The following PALLD variants were observed in gnomAD, a reference collection of about 807,000 sequenced individuals.
PALLD encodes the protein palladin.
PALLD carries 61 observed loss-of-function variants against 123.5 expected under a neutral mutation model. The observed-to-expected ratio is 0.49, with a 90% CI of 0.40 to 0.61. The LOEUF is 0.61. Ranked by LOEUF, PALLD falls within the 20% of genes least tolerant of loss-of-function variation. PALLD has a pLI of 0.00. For missense variants in PALLD, 1,273 were observed against 1,377.0 expected (o/e 0.92, Z 1.20); for synonymous variants, 465 against 496.4 (o/e 0.94, Z 0.84).
chr4:168,894,928 C>T lies in PALLD; in HGVS notation c.2199+251C>T, dbSNP rs188962640. Reference sequence around the variant, plus strand: ...TCTTCTTCTTGATTATTCTCCTTTCCAGTACATTTCCATTTTCCTATCCTA... The same window carrying T: ...TCTTCTTCTTGATTATTCTCCTTTCTAGTACATTTCCATTTTCCTATCCTA... On this transcript the variant is annotated intron_variant, in intron 12 of 21. Coordinates refer to ENST00000505667, the MANE Select transcript of PALLD (RefSeq NM_001166108.2). Among the ~76,000 whole-genome samples the T allele has an allele frequency of 2.5e-3, 380 of 152,256 alleles. 2 individuals are homozygous for T. The highest frequency in any genetic ancestry group is 3.4e-3 in the Middle Eastern group (1 of 294).
chr4:168,596,515 G>A (rs560932307), intron 2 of PALLD, among the ~76,000 whole-genome samples: 17 of 152,214 alleles, frequency 1.1e-4, no homozygotes, highest in Non-Finnish European at 1.6e-4. Context: ...TCATCAAAAT[G>A]TATAATGAGC....
chr4:168,561,058 A>G (rs573485456), intron 2 of PALLD, among the ~76,000 whole-genome samples: 43 of 152,212 alleles, frequency 2.8e-4, no homozygotes, highest in Middle Eastern at 3.4e-3. Flanking sequence ...TATGCCCTGG[A>G]GCCAAGATGA....
intron 2 of PALLD, among the ~76,000 whole-genome samples, chr4:168,563,165 G>A (rs1453347939): frequency 6.6e-6 from 1 of 152,122 alleles, no homozygotes; most frequent in East Asian, 1.9e-4. Flanking sequence ...TCACAGGCAG[G>A]TGGTTGAGAA....
chr4:168,710,750 C>G (rs1242753634), intron 9 of PALLD, among the ~76,000 whole-genome samples: 2 of 152,164 alleles, frequency 1.3e-5, no homozygotes, highest in South Asian at 2.1e-4. Context: ...TCAACACTGT[C>G]CCATCAAATG....
intron 2 of PALLD, among the ~76,000 whole-genome samples, chr4:168,636,653 G>A (rs985134870): frequency 1.3e-5 from 2 of 152,164 alleles, no homozygotes; most frequent in African/African-American, 4.8e-5. Context: ...AAAATTCTGT[G>A]TCTGATGAAT....
chr4:168,838,969 T>G (rs956201001), intron 10 of PALLD, among the ~76,000 whole-genome samples: 7 of 152,178 alleles, frequency 4.6e-5, no homozygotes, highest in African/African-American at 1.4e-4. Flanking sequence ...TTTTTTTGTT[T>G]GAGACATGAA....
At chr4:168,728,012 A>T (rs941459418) in intron 10 of PALLD, among the ~76,000 whole-genome samples, 1 of 152,018 alleles carries the variant, frequency 6.6e-6, no homozygotes, top group East Asian at 1.9e-4. Context: ...CAAAGATCAA[A>T]TGGTTGTTTG....
At chr4:168,516,384 A>G (rs1433463056) in intron 2 of PALLD, among the ~76,000 whole-genome samples, 4 of 152,228 alleles carry the variant, frequency 2.6e-5, no homozygotes, top group South Asian at 4.1e-4. Flanking sequence ...TTTGTGAGTT[A>G]GTAAAAAATT....
At chr4:168,765,644 C>A (rs17614553) in intron 10 of PALLD, among the ~76,000 whole-genome samples, 20,953 of 152,212 alleles carry the variant, frequency 0.14, 1,824 homozygotes, top group Non-Finnish European at 0.2. Flanking sequence ...CAGATTGTAA[C>A]CTCTTTCCCA....
chr4:168,708,773 C>A (rs1459857155), intron 8 of PALLD, among the ~76,000 whole-genome samples: 1 of 151,806 alleles, frequency 6.6e-6, no homozygotes, highest in Non-Finnish European at 1.5e-5. Flanking sequence ...TATGTATTAT[C>A]CCCATTTTAT....
At chr4:168,638,840 A>G (rs1482112020) in intron 2 of PALLD, among the ~76,000 whole-genome samples, 2 of 152,104 alleles carry the variant, frequency 1.3e-5, no homozygotes, top group African/African-American at 4.8e-5. Flanking sequence ...GGCGGGCCAT[A>G]AACATCCAGA....
Position 168,832,237 on chromosome 4 carries a change from GC to G in PALLD, c.1965-58684del, listed in dbSNP as rs560097051. 4.3e-5 allele frequency: 42 copies of G among 973,136 alleles called. No individual in the cohort carries two copies. In the East Asian group the frequency reaches 4.0e-3, roughly 93 times the overall value. 60.3% of individuals were successfully genotyped at this position (973,136 alleles called of 1,614,324 possible). A position where few individuals can be genotyped will look rare whatever the true frequency, so the allele number is the denominator to read the frequency against. On this transcript the variant is annotated intron_variant, in intron 10 of 21. Coordinates refer to ENST00000505667, the MANE Select transcript of PALLD (RefSeq NM_001166108.2). ...GTGTGAATTAAAGGGAGTGCAGCGTGCAGGGTGGGCCGCGAGTCGGGAGTGC... is the reference window on the plus strand; with the variant it reads ...GTGTGAATTAAAGGGAGTGCAGCGTGAGGGTGGGCCGCGAGTCGGGAGTGC...
At chr4:168,752,959 G>A (rs1283527469) in intron 10 of PALLD, among the ~76,000 whole-genome samples, 2 of 152,116 alleles carry the variant, frequency 1.3e-5, no homozygotes, top group African/African-American at 4.8e-5. Flanking sequence ...GAAGAAAGAG[G>A]AGGCAGCCTA....
intron 10 of PALLD, among the ~76,000 whole-genome samples, chr4:168,742,448 C>A (rs941339463): frequency 1.3e-5 from 2 of 152,084 alleles, no homozygotes; most frequent in Non-Finnish European, 2.9e-5. Flanking sequence ...TGTTTTAAAG[C>A]CAGGTTTGTT....
chr4:168,671,046 A>T (rs75834963), intron 3 of PALLD, among the ~76,000 whole-genome samples: 1 of 151,594 alleles, frequency 6.6e-6, no homozygotes, highest in African/African-American at 2.4e-5. Flanking sequence ...ATGTAAAATG[A>T]TAAAGTAATA....
At chr4:168,524,996 C>T (rs939308624) in intron 2 of PALLD, among the ~76,000 whole-genome samples, 4 of 152,026 alleles carry the variant, frequency 2.6e-5, no homozygotes, top group African/African-American at 9.7e-5. Context: ...AACACTGATC[C>T]CAAGCAGAAT....
intron 3 of PALLD, among the ~76,000 whole-genome samples, chr4:168,670,450 CGGGCCGGGCGCGG>C (rs1209902128): frequency 3.3e-4 from 50 of 152,048 alleles, no homozygotes; most frequent in African/African-American, 1.1e-3. Flanking sequence ...AAGCCGGGCG[CGGGCCGGGCGCGG>C]TGGCTCACGC....
chr4:168,877,334 G>A (rs1337438610), intron 10 of PALLD, among the ~76,000 whole-genome samples: 3 of 152,202 alleles, frequency 2.0e-5, no homozygotes, highest in Non-Finnish European at 4.4e-5. Flanking sequence ...TCATTTGATA[G>A]AATTCTTTTA....
chr4:168,501,122 G>T (rs1390760112), intron 1 of PALLD, among the ~76,000 whole-genome samples: 4 of 152,078 alleles, frequency 2.6e-5, no homozygotes, highest in Non-Finnish European at 5.9e-5. Context: ...CCTTAAGAAA[G>T]AATGAAATAG....
Sources: allele counts gnomAD v4.1 joint callset (sites outside exome capture counted in the v4.1 genomes callset), GRCh38; gene constraint gnomAD v4.1.1; transcripts MANE v1.5; gene names NCBI Gene and HGNC (gene_info 2026-07-23, HGNC 2026-07-21).